Variants in LRRC9 observed in about 807,000 individuals in gnomAD.
LRRC9 encodes leucine rich repeat containing 9, also known as leucine-rich repeat-containing protein 9.
LRRC9 carries 122 observed loss-of-function variants against 63.2 expected under a neutral mutation model. That is an observed-to-expected ratio of 1.93 (90% CI 1.67 to 2.24). The LOEUF is 2.24. LRRC9 is among the 30% of genes most tolerant of loss of function. The pLI, the probability that LRRC9 is intolerant of heterozygous loss-of-function variation, is 0.00. For missense variants in LRRC9, 1,071 were observed against 627.7 expected, an observed-to-expected ratio of 1.71 and a Z score of -7.55; for synonymous variants, 366 against 213.1, an observed-to-expected ratio of 1.72 and a Z score of -6.25.
At chr14:59,999,864 T>G (rs1889178228) in intron 19 of LRRC9, among the ~76,000 whole-genome samples, 1 of 152,134 alleles carries the variant, frequency 6.6e-6, no homozygotes, top group Admixed American at 6.6e-5. Flanking sequence ...ATAACACTCC[T>G]AAAGAAGAGC....
At chr14:59,993,967 T>C (rs1389028433) in intron 17 of LRRC9, among the ~76,000 whole-genome samples, 2 of 152,162 alleles carry the variant, frequency 1.3e-5, no homozygotes, top group Non-Finnish European at 2.9e-5. Context: ...GCGGACCTAA[T>C]AGACATCTAC....
At chr14:59,939,018 T>TATATATACATATATACAC (rs1407682666) in intron 7 of LRRC9, among the ~76,000 whole-genome samples, 2 of 116,186 alleles carry the variant, frequency 1.7e-5, no homozygotes, top group Non-Finnish European at 3.5e-5. Context: ...TATACACATA[T>TATATATACATATATACAC]ATATATACAT....
At chr14:59,992,468 C>G (rs977339228) in intron 17 of LRRC9, among the ~76,000 whole-genome samples, 5 of 152,090 alleles carry the variant, frequency 3.3e-5, no homozygotes, top group African/African-American at 9.7e-5. Context: ...CGGAGAATGA[C>G]TTTGATGAGT....
intron 21 of LRRC9, among the ~76,000 whole-genome samples, chr14:60,005,114 G>A (rs1889709087): frequency 1.3e-5 from 2 of 152,018 alleles, no homozygotes; most frequent in African/African-American, 4.8e-5. Context: ...ATAAAAGCAA[G>A]TATTAAATAT....
chr14:59,962,218 A>G lies in LRRC9; in HGVS notation c.1211+1173A>G, dbSNP rs1378690775. Among the ~76,000 whole-genome samples the G allele has an allele frequency of 6.6e-6, 1 of 152,132 alleles. No individual in the cohort carries two copies. Among genetic ancestry groups the G allele is most frequent in the East Asian group, 1.9e-4 (1 of 5,176 alleles). On this transcript the variant is annotated intron_variant, in intron 10 of 31. Transcript: ENST00000445360. This position sits in a 1 kb window ranked among gnomAD's most constrained non-coding sequence, Gnocchi z 5.1. ...GGCCTTTGAAAATACTTTCCTTTGT[A>G]TTAGTACATCCATTTGCCCAGCAGT...
chr14:59,945,061 T>C (rs79659061), intron 8 of LRRC9, among the ~76,000 whole-genome samples: 1,529 of 151,918 alleles, frequency 0.01, 22 homozygotes, highest in African/African-American at 0.035. Context: ...TTTAGAGTGT[T>C]ACAAAAATTA....
At chr14:60,041,921 G>C (rs1386799009) in intron 29 of LRRC9, among the ~76,000 whole-genome samples, 6 of 152,162 alleles carry the variant, frequency 3.9e-5, no homozygotes, top group Non-Finnish European at 1.5e-5. Context: ...TGTACAGATG[G>C]GGTTTTGGTA....
chr14:60,052,429 ACT>A (rs1893966667), intron 29 of LRRC9, among the ~76,000 whole-genome samples: 4 of 152,250 alleles, frequency 2.6e-5, no homozygotes, highest in Admixed American at 2.6e-4. Context: ...ACATAGGCAC[ACT>A]CTTCCTATCA....
chr14:60,043,107 A>G (rs1893097066), intron 29 of LRRC9, among the ~76,000 whole-genome samples: 1 of 152,294 alleles, frequency 6.6e-6, no homozygotes, highest in East Asian at 1.9e-4. Flanking sequence ...TTTGCTGTTG[A>G]CATATATAAA....
intron 17 of LRRC9, among the ~76,000 whole-genome samples, chr14:59,995,240 T>C (rs968843688): frequency 1.3e-5 from 2 of 152,316 alleles, no homozygotes; most frequent in Middle Eastern, 3.4e-3. Context: ...TCATTCACTA[T>C]CAGGAAAAGA....
chr14:60,044,654 CTTGATA>C (rs1242545170), intron 29 of LRRC9, among the ~76,000 whole-genome samples: 1 of 152,126 alleles, frequency 6.6e-6, no homozygotes, highest in Non-Finnish European at 1.5e-5. Context: ...CAAGAAGATA[CTTGATA>C]TTATTTGTTT....
chr14:60,025,204 C>G (rs1029017318), intron 27 of LRRC9, among the ~76,000 whole-genome samples: 14 of 151,986 alleles, frequency 9.2e-5, no homozygotes, highest in African/African-American at 3.4e-4. Flanking sequence ...AATCCTCCCA[C>G]CTCAGCTTCC....
intron 3 of LRRC9, among the ~76,000 whole-genome samples, chr14:59,929,625 G>T (rs371910939): frequency 1.3e-5 from 2 of 151,972 alleles, no homozygotes; most frequent in African/African-American, 2.4e-5. Flanking sequence ...ACACATGCAC[G>T]TGTATGTTCA....
At chr14:59,944,989 A>G (rs1882203229) in intron 8 of LRRC9, among the ~76,000 whole-genome samples, 1 of 151,948 alleles carries the variant, frequency 6.6e-6, no homozygotes, top group African/African-American at 2.4e-5. Flanking sequence ...CTGCAATTCA[A>G]AAAAGGTATA....
chr14:59,926,077 C>T (rs1328588746), intron 1 of LRRC9, among the ~76,000 whole-genome samples: 3 of 152,162 alleles, frequency 2.0e-5, no homozygotes, highest in Non-Finnish European at 4.4e-5. Flanking sequence ...GAGGCCTTCC[C>T]AGCCATATGA....
intron 16 of LRRC9, among the ~76,000 whole-genome samples, chr14:59,982,657 G>C (rs1357292856): frequency 6.6e-6 from 1 of 152,144 alleles, no homozygotes; most frequent in East Asian, 1.9e-4. Flanking sequence ...ACTTTTGGGG[G>C]ACACATTGAA....
intron 29 of LRRC9, among the ~76,000 whole-genome samples, chr14:60,038,969 A>G (rs1381374473): frequency 6.6e-6 from 1 of 152,198 alleles, no homozygotes; most frequent in South Asian, 2.1e-4. Context: ...GACAGTTTTT[A>G]GCATGAAGGG....
chr14:60,038,050 T>C (rs1171843481), intron 29 of LRRC9, among the ~76,000 whole-genome samples: 1 of 152,102 alleles, frequency 6.6e-6, no homozygotes, highest in African/African-American at 2.4e-5. Flanking sequence ...TGTTTTTGTC[T>C]GGTTTATCAA....
At chr14:60,030,293 T>C (rs1017346689) in intron 28 of LRRC9, 1 of 152,096 alleles carries the variant, frequency 6.6e-6, no homozygotes. Context: ...ATATAATACA[T>C]ACCCTTGATT....
Sources: allele counts gnomAD v4.1 joint callset (sites outside exome capture counted in the v4.1 genomes callset), GRCh38; gene constraint gnomAD v4.1.1; non-coding constraint Gnocchi (gnomAD v3.1); transcripts MANE v1.5; gene names NCBI Gene and HGNC (gene_info 2026-07-23, HGNC 2026-07-21).